Variants in ABCG2 observed in about 807,000 individuals in gnomAD.
ABCG2 encodes the protein broad substrate specificity ATP-binding cassette transporter ABCG2.
ABCG2 carries 80 observed loss-of-function variants against 73.5 expected under a neutral mutation model. The observed-to-expected ratio is 1.09, with a 90% CI of 0.91 to 1.31. The LOEUF (loss-of-function observed/expected upper bound fraction) is 1.31. Ranked by LOEUF, ABCG2 falls within the 50% of genes most tolerant of loss-of-function variation. The pLI is 0.00. For synonymous variants in ABCG2, 269 were observed against 282.4 expected, an observed-to-expected ratio of 0.95 and a Z score of 0.48; for missense variants, 796 against 786.2, an observed-to-expected ratio of 1.01 and a Z score of -0.15.
In ABCG2 at chr4:88,092,146, A is replaced by T; in HGVS notation, c.*88T>A. 1.6e-6 allele frequency: 2 copies of T among 1,270,986 alleles called. No individual in the cohort carries two copies. Among genetic ancestry groups the T allele is most frequent in the Non-Finnish European group, 2.2e-6 (2 of 922,836 alleles). 78.7% of individuals were successfully genotyped at this position (1,270,986 alleles called of 1,614,324 possible). Reference sequence around the variant, plus strand: ...TGCAACAGTGTGATGGCAAGGGAACAGAAAACAACAAAAAAACTTGATTGA... The same window carrying T: ...TGCAACAGTGTGATGGCAAGGGAACTGAAAACAACAAAAAAACTTGATTGA... On this transcript the variant is annotated 3_prime_UTR_variant, in exon 16 of 16. Transcript: ENST00000237612.
intron 9 of ABCG2, among the ~76,000 whole-genome samples, chr4:88,109,727 TA>T (rs1398149708): frequency 6.6e-6 from 1 of 152,150 alleles, no homozygotes; most frequent in Non-Finnish European, 1.5e-5. Flanking sequence ...TGTAAAGAAA[TA>T]ACTAGTTCAA....
At chr4:88,204,052 T>G (rs1235166330) in intron 1 of ABCG2, among the ~76,000 whole-genome samples, 1 of 152,200 alleles carries the variant, frequency 6.6e-6, no homozygotes, top group Non-Finnish European at 1.5e-5. Flanking sequence ...TCCTCTTCCA[T>G]TTCTCTAGTT....
At chr4:88,138,860 A>T (rs1560704866) in intron 2 of ABCG2, among the ~76,000 whole-genome samples, 3 of 152,164 alleles carry the variant, frequency 2.0e-5, no homozygotes, top group Admixed American at 6.5e-5. Flanking sequence ...CCATAAAAAA[A>T]AATGCGTGGC....
chr4:88,228,741 C>G (rs1306332081), intron 1 of ABCG2, among the ~76,000 whole-genome samples: 2 of 152,034 alleles, frequency 1.3e-5, no homozygotes, highest in Non-Finnish European at 2.9e-5. Flanking sequence ...CACTCTGTGT[C>G]TAGCTAAAGG....
In ABCG2 at chr4:88,132,572, TCA is replaced by T; in HGVS notation, c.263+2_263+3del. On this transcript the variant is annotated splice_donor_variant and splice_donor_region_variant and intron_variant, in intron 3 of 15. Coordinates refer to ENST00000237612, the MANE Select transcript of ABCG2 (RefSeq NM_004827.3). LOFTEE classifies it high-confidence loss of function. Reference sequence around the variant, plus strand: ...AACGCTTACTTATACTCTCTTATACTCACGAAGATTTGCCTCCACCTGTGGGT... The same window carrying T: ...AACGCTTACTTATACTCTCTTATACTCGAAGATTTGCCTCCACCTGTGGGT... 6.2e-7 allele frequency: 1 copy of T among 1,614,148 alleles called. No individual in the cohort carries two copies. Among genetic ancestry groups the T allele is most frequent in the African/African-American group, 1.3e-5 (1 of 75,048 alleles).
At chr4:88,161,261 G>A (rs1253276144), upstream of ABCG2, among the ~76,000 whole-genome samples, 125 of 121,232 alleles carry the variant, frequency 1.0e-3, 2 homozygotes, top group African/African-American at 3.3e-3. Context: ...ATGCTGGTGC[G>A]CTGCACCCAC....
chr4:88,136,870 G>A (rs904042120), intron 2 of ABCG2, among the ~76,000 whole-genome samples: 30 of 151,950 alleles, frequency 2.0e-4, no homozygotes, highest in African/African-American at 6.8e-4. Flanking sequence ...CAAAAAATTA[G>A]CTGGGCATGG....
intron 1 of ABCG2, among the ~76,000 whole-genome samples, chr4:88,186,682 G>A (rs1166218076): frequency 2.0e-5 from 3 of 151,620 alleles, no homozygotes; most frequent in East Asian, 1.9e-4. Flanking sequence ...CACTTTGGGA[G>A]GCCGAGGCGG....
At chr4:88,193,874 A>G (rs1728807617) in intron 1 of ABCG2, among the ~76,000 whole-genome samples, 1 of 152,104 alleles carries the variant, frequency 6.6e-6, no homozygotes, top group African/African-American at 2.4e-5. Flanking sequence ...CCTCCCGAGT[A>G]GCTGGGACTA....
intron 1 of ABCG2, among the ~76,000 whole-genome samples, chr4:88,194,196 C>T (rs572360286): frequency 1.3e-5 from 2 of 152,182 alleles, no homozygotes; most frequent in South Asian, 4.2e-4. Flanking sequence ...CTGTAGCTAC[C>T]CTGGACTGTG....
At position 88,131,117 on chromosome 4, in the gene ABCG2, CG is replaced by C. The variant is rs945068563; in HGVS notation, c.474del (p.Asn158LysfsTer11). On this transcript the variant is annotated frameshift_variant, in exon 5 of 16. Transcript: ENST00000237612. LOFTEE classifies it high-confidence loss of function. ...LATTMTNHEK[N>X]ERINRVIQEL... is the part of the protein sequence containing the mutation. ...TCTTGAATGACCCTGTTAATCCGTT[CG>C]TTTTTTTCATGATTCGTCATAGTTG... 2.5e-6 allele frequency: 4 copies of C among 1,613,922 alleles called. No homozygotes were observed. In the African/African-American group the frequency reaches 5.3e-5, roughly 22 times the overall value.
At chr4:88,173,596 T>A (rs530387849) in intron 1 of ABCG2, among the ~76,000 whole-genome samples, 13 of 152,336 alleles carry the variant, frequency 8.5e-5, no homozygotes, top group Admixed American at 3.9e-4. Flanking sequence ...AACACTATTA[T>A]CACATCTAAA....
At chr4:88,228,278 C>A (rs1730309013) in intron 1 of ABCG2, among the ~76,000 whole-genome samples, 1 of 152,098 alleles carries the variant, frequency 6.6e-6, no homozygotes, top group Non-Finnish European at 1.5e-5. Context: ...AGGGATTACT[C>A]CAGGCTTGAG....
intron 13 of ABCG2, 28 bp downstream of exon 13, chr4:88,097,425 T>C: frequency 1.9e-6 from 3 of 1,606,214 alleles, no homozygotes; most frequent in Non-Finnish European, 2.5e-6. Context: ...AACAATTCCT[T>C]ATCAGAGCAA....
chr4:88,108,544 T>A (rs1446752878), intron 9 of ABCG2, among the ~76,000 whole-genome samples: 1 of 151,754 alleles, frequency 6.6e-6, no homozygotes, highest in Non-Finnish European at 1.5e-5. Flanking sequence ...AATAAATTGA[T>A]AAATAAATAA....
chr4:88,110,145 G>T (rs1723034617), intron 9 of ABCG2, among the ~76,000 whole-genome samples: 1 of 151,768 alleles, frequency 6.6e-6, no homozygotes, highest in African/African-American at 2.4e-5. Context: ...AAAAAGTCAA[G>T]AATAATAATA....
intron 6 of ABCG2, 61 bp downstream of exon 6, chr4:88,121,574 A>G: frequency 6.7e-7 from 1 of 1,490,340 alleles, no homozygotes; most frequent in South Asian, 1.3e-5. Context: ...TGCCCCAAGA[A>G]TATCTGGGAC....
In ABCG2 at chr4:88,176,157, G is replaced by T. The variant is rs2725243; in HGVS notation, c.-19-36143C>A. Among the ~76,000 whole-genome samples, 541 of 150,764 alleles carry T rather than the reference G, an allele frequency of 3.6e-3. 1 individual carries two copies. The highest frequency in any genetic ancestry group is 0.012 in the African/African-American group (480 of 40,734). On this transcript the variant is annotated intron_variant, in intron 1 of 15. Transcript: ENST00000515655. ...GTGTTTAATTATTATGATTATTCTTGTTTTTTTTTTCTTTTTTTGTGGAGA... is the reference window on the plus strand; with the variant it reads ...GTGTTTAATTATTATGATTATTCTTTTTTTTTTTTTCTTTTTTTGTGGAGA...
intron 10 of ABCG2, 133 bp from the exon 11 acceptor site, chr4:88,101,452 G>T: frequency 1.3e-6 from 1 of 765,078 alleles, no homozygotes; most frequent in Non-Finnish European, 2.2e-6. Context: ...TGTTCTGGTT[G>T]GAACAGGGAA....
Sources: allele counts gnomAD v4.1 joint callset (sites outside exome capture counted in the v4.1 genomes callset), GRCh38; gene constraint gnomAD v4.1.1; transcripts MANE v1.5; gene names NCBI Gene and HGNC (gene_info 2026-07-23, HGNC 2026-07-21).